CPEB1: variants seen among roughly 807,000 people sequenced by gnomAD.
The protein encoded by CPEB1 is cytoplasmic polyadenylation element binding protein 1.
CPEB1 carries 7 observed loss-of-function variants against 65.8 expected under a neutral mutation model. That is an observed-to-expected ratio of 0.11 (90% confidence interval 0.06 to 0.20). The LOEUF (loss-of-function observed/expected upper bound fraction) is 0.20. Among genes scored for constraint, CPEB1 ranks in the 10% least tolerant of loss-of-function variants. The probability of loss-of-function intolerance (pLI) is 1.00; values close to 1 mark genes in which losing one functional copy is unlikely to be tolerated. For synonymous variants in CPEB1, 262 were observed against 260.0 expected, an observed-to-expected ratio of 1.01 and a Z score of -0.08; for missense variants, 551 against 712.2, an observed-to-expected ratio of 0.77 and a Z score of 2.58.
At position 82,626,304 on chromosome 15, in the gene CPEB1, C is replaced by T. The variant is rs960113067; in HGVS notation, c.271+889G>A. Among the ~76,000 whole-genome samples the T allele has an allele frequency of 6.8e-5, 10 of 146,212 alleles. No individual in the cohort carries two copies. The East Asian group carries it at 1.3e-3, about 18-fold the overall frequency. ...CAAAAATTAGCTGGGTGTGGTGGCG[C>T]GTGCCTGTAATCCCAGCTACTAGGG... is the stretch of plus-strand genomic sequence containing the variant. On this transcript the variant is annotated intron_variant, in intron 3 of 12. Transcript: ENST00000684509.
At position 82,562,272 on chromosome 15, in the gene CPEB1, C is replaced by T. The variant is rs145838887; in HGVS notation, c.461-4286G>A. ...AACTACAGACTACTGATCTTCCCTA[C>T]CAGAAGTCCCTGCTTTAGGACCTAG... On this transcript the variant is annotated intron_variant, in intron 4 of 12. Coordinates refer to ENST00000684509, the MANE Select transcript of CPEB1 (RefSeq NM_001365242.1). The T allele has an allele frequency of 1.1e-3, 477 of 449,280 alleles. 3 individuals carry two copies. The highest frequency in any genetic ancestry group is 8.3e-3 in the African/African-American group (413 of 49,564). The allele number at this position is 449,280 out of a possible 1,614,324, so 27.8% of individuals were successfully genotyped here.
At chr15:82,633,021 T>C (rs1054156789) in intron 1 of CPEB1, among the ~76,000 whole-genome samples, 1 of 152,252 alleles carries the variant, frequency 6.6e-6, no homozygotes, top group Non-Finnish European at 1.5e-5. Flanking sequence ...TTGGTTATTC[T>C]ACTATTGCCT....
intron 3 of CPEB1, among the ~76,000 whole-genome samples, chr15:82,575,851 A>T (rs2040590187): frequency 6.6e-6 from 1 of 152,164 alleles, no homozygotes; most frequent in Admixed American, 6.5e-5. Flanking sequence ...CCTTGTACTT[A>T]TGAAAACGCT....
intron 3 of CPEB1, among the ~76,000 whole-genome samples, chr15:82,590,062 C>T (rs1488366697): frequency 2.6e-5 from 4 of 151,982 alleles, no homozygotes; most frequent in Admixed American, 2.0e-4. Context: ...TCTACTCCAC[C>T]GTATTTCTTC....
Position 82,560,400 on chromosome 15 carries a change from GT to G in CPEB1, c.461-2415del, listed in dbSNP as rs548856094. On this transcript the variant is annotated intron_variant, in intron 4 of 12. Transcript: ENST00000684509. The stretch of plus-strand genomic sequence containing the variant: ...AATAGTTTTTATCTTATTGTCATTT[GT>G]TTTTTTTTTTTTTTTTGAGACAGGG... Among the ~76,000 whole-genome samples the G allele has an allele frequency of 3.3e-3, 438 of 134,320 alleles. 2 individuals carry two copies. Among genetic ancestry groups the G allele is most frequent in the African/African-American group, 9.1e-3 (331 of 36,194 alleles). 88.1% of individuals were successfully genotyped at this position (134,320 alleles called of 152,430 possible). A position where few individuals can be genotyped will look rare whatever the true frequency, so the allele number is the denominator to read the frequency against.
chr15:82,607,173 G>A (rs1349261587), intron 3 of CPEB1, among the ~76,000 whole-genome samples: 1 of 125,930 alleles, frequency 7.9e-6, no homozygotes, highest in Non-Finnish European at 1.7e-5. Context: ...TATCTTATCA[G>A]TAATTATATT....
intron 3 of CPEB1, among the ~76,000 whole-genome samples, chr15:82,594,255 C>G (rs542072688): frequency 6.6e-6 from 1 of 152,278 alleles, no homozygotes; most frequent in South Asian, 2.1e-4. Flanking sequence ...ATGATCTTAG[C>G]TAGATCTTCT....
chr15:82,603,079 C>A (rs1173282391), intron 3 of CPEB1, among the ~76,000 whole-genome samples: 1 of 152,002 alleles, frequency 6.6e-6, no homozygotes, highest in African/African-American at 2.4e-5. Flanking sequence ...TTGGTAAGAA[C>A]AACATTCTTT....
rs536735313 is a variant in CPEB1, at chr15:82,549,918, A to G, written c.1282-260T>C. 6.6e-5 allele frequency among the ~76,000 whole-genome samples: 10 copies of G among 152,218 alleles called. 1 individual carries two copies. In the South Asian group the frequency reaches 2.1e-3, roughly 32 times the overall value. The stretch of plus-strand genomic sequence containing the variant: ...CAGTACTCACTCATGCTGGAGAGTA[A>G]GCAAAAAAGTACCACATGGCCAAAC... On this transcript the variant is annotated intron_variant, in intron 9 of 12. Transcript: ENST00000684509.
At chr15:82,613,447 G>A (rs1377082875) in intron 3 of CPEB1, among the ~76,000 whole-genome samples, 2 of 152,010 alleles carry the variant, frequency 1.3e-5, no homozygotes, top group East Asian at 3.9e-4. Flanking sequence ...GAGTGCAGCG[G>A]CACGATCTTG....
intron 3 of CPEB1, among the ~76,000 whole-genome samples, chr15:82,614,877 G>A (rs371364616): frequency 0.048 from 6,116 of 126,640 alleles, 377 homozygotes; most frequent in African/African-American, 0.16. Context: ...GTGTGTGTGT[G>A]TGTATATATA....
At chr15:82,585,011 T>G (rs1390292493) in intron 3 of CPEB1, among the ~76,000 whole-genome samples, 1 of 150,464 alleles carries the variant, frequency 6.6e-6, no homozygotes, top group Non-Finnish European at 1.5e-5. Flanking sequence ...GAGTAGTTTT[T>G]GCAGATAAAA....
upstream of CPEB1, chr15:82,647,890 G>GGGGCTGAC (rs764731999): frequency 8.4e-5 from 104 of 1,237,704 alleles, no homozygotes; most frequent in South Asian, 1.6e-3. Flanking sequence ...GTGGCCCTGC[G>GGGGCTGAC]GGGCTGACGG....
intron 3 of CPEB1, among the ~76,000 whole-genome samples, chr15:82,619,481 C>T (rs2045089618): frequency 6.6e-6 from 1 of 151,942 alleles, no homozygotes; most frequent in Non-Finnish European, 1.5e-5. Flanking sequence ...CAAAAGACGC[C>T]AATTAAGAGT....
intron 12 of CPEB1, among the ~76,000 whole-genome samples, chr15:82,545,073 G>A (rs892882789): frequency 6.6e-6 from 1 of 152,162 alleles, no homozygotes; most frequent in Non-Finnish European, 1.5e-5. Context: ...TAAGGATACT[G>A]ACTAAAAATT....
rs569135992 is a variant in CPEB1 at position 82,571,859 on chromosome 15, G to T, written c.272-327C>A. 124 of 1,089,644 alleles carry T rather than the reference G, an allele frequency of 1.1e-4. 1 individual carries two copies. In the South Asian group the frequency reaches 3.2e-3, roughly 28 times the overall value. 67.5% of individuals were successfully genotyped at this position (1,089,644 alleles called of 1,614,324 possible). On this transcript the variant is annotated intron_variant, in intron 3 of 12. Transcript: ENST00000684509. ...ATAGAGAGCGGCATCATCCCTCACA[G>T]AACGGGGGAGGAGCAGGAGGGGACG...
chr15:82,594,395 A>T (rs796087817), intron 3 of CPEB1, among the ~76,000 whole-genome samples: 4 of 142,916 alleles, frequency 2.8e-5, no homozygotes, highest in South Asian at 4.5e-4. Context: ...AAAAAGAAAA[A>T]CCTCATGAAC....
At chr15:82,614,149 C>G (rs2044460451) in intron 3 of CPEB1, among the ~76,000 whole-genome samples, 1 of 152,074 alleles carries the variant, frequency 6.6e-6, no homozygotes, top group Non-Finnish European at 1.5e-5. Flanking sequence ...CTCTTCGTCA[C>G]TCCTAACCAC....
At chr15:82,645,775 G>A (rs771422604) in intron 1 of CPEB1, among the ~76,000 whole-genome samples, 1 of 152,044 alleles carries the variant, frequency 6.6e-6, no homozygotes, top group East Asian at 1.9e-4. Context: ...GGCTGAGGCA[G>A]GAGAATCGCT....
Sources: gnomAD v4.1 joint callset for allele counts (sites outside exome capture counted in the v4.1 genomes callset) on GRCh38, gnomAD v4.1.1 for gene constraint, MANE v1.5 for transcripts, NCBI Gene and HGNC (gene_info 2026-07-23, HGNC 2026-07-21) for gene names.